Variants in PTPRM observed in about 807,000 individuals in gnomAD.
PTPRM encodes the protein receptor-type tyrosine-protein phosphatase mu.
In PTPRM, 47 loss-of-function variants were observed where a neutral mutation model predicts 186.7. The observed-to-expected ratio is 0.25, with a 90% CI of 0.20 to 0.32. PTPRM has a LOEUF of 0.32. PTPRM is among the 10% of genes least tolerant of loss of function. The pLI, the probability that PTPRM is intolerant of heterozygous loss-of-function variation, is 1.00. For synonymous variants in PTPRM, 668 were observed against 674.9 expected, an observed-to-expected ratio of 0.99 and a Z score of 0.16; for missense variants, 1,494 against 1,865.0, an observed-to-expected ratio of 0.80 and a Z score of 3.66.
chr18:8,240,772 G>C (rs2094419585), intron 14 of PTPRM, among the ~76,000 whole-genome samples: 1 of 64,046 alleles, frequency 1.6e-5, no homozygotes, highest in African/African-American at 9.4e-5. Flanking sequence ...GAGGGAGAGA[G>C]AGAGGGAGAG....
intron 1 of PTPRM, among the ~76,000 whole-genome samples, chr18:7,762,813 AG>A (rs1480490875): frequency 6.6e-6 from 1 of 152,222 alleles, no homozygotes; most frequent in Non-Finnish European, 1.5e-5. Flanking sequence ...CAGCCAATAT[AG>A]GCAAGATAAA....
chr18:8,140,826 A>G (rs867241977), intron 13 of PTPRM, among the ~76,000 whole-genome samples: 1 of 152,212 alleles, frequency 6.6e-6, no homozygotes, highest in East Asian at 1.9e-4. Context: ...ATTTATACGA[A>G]AAAAAGGAAA....
rs151125670 is a variant in PTPRM at position 7,842,428 on chromosome 18, G to C, written c.197-45678G>C. Among the ~76,000 whole-genome samples the C allele has an allele frequency of 2.5e-3, 386 of 152,284 alleles. 2 individuals are homozygous for C. Among genetic ancestry groups the C allele is most frequent in the African/African-American group, 8.2e-3 (339 of 41,568 alleles). ...TTCTTATCCTTATGATGGTTAATTT[G>C]TGTCCACTTGGCCAGGTAGTGGTGC... On this transcript the variant is annotated intron_variant, in intron 2 of 32. Transcript: ENST00000580170.
At chr18:7,696,165 T>G (rs2039839400) in intron 1 of PTPRM, among the ~76,000 whole-genome samples, 1 of 152,058 alleles carries the variant, frequency 6.6e-6, no homozygotes, top group Non-Finnish European at 1.5e-5. Flanking sequence ...CTTTTCAGGG[T>G]TTTTTCTTCT....
chr18:7,727,369 G>A (rs547539186), intron 1 of PTPRM, among the ~76,000 whole-genome samples: 3 of 152,114 alleles, frequency 2.0e-5, no homozygotes, highest in East Asian at 1.9e-4. Context: ...ACCTTGAAAG[G>A]CTGCTTTATT....
At chr18:7,694,665 G>A (rs919301328) in intron 1 of PTPRM, among the ~76,000 whole-genome samples, 7 of 151,886 alleles carry the variant, frequency 4.6e-5, no homozygotes, top group Non-Finnish European at 1.0e-4. Flanking sequence ...GACCTTAGGC[G>A]ATCCACACAC....
chr18:8,326,211 A>G (rs1319144525), intron 22 of PTPRM, among the ~76,000 whole-genome samples: 7 of 152,158 alleles, frequency 4.6e-5, no homozygotes, highest in African/African-American at 1.7e-4. Flanking sequence ...ATTTGTTGCA[A>G]TTGCTTTTGA....
At chr18:8,331,102 CTT>C (rs59880754) in intron 22 of PTPRM, among the ~76,000 whole-genome samples, 143,206 of 152,164 alleles carry the variant, frequency 0.94, 67,881 homozygotes, top group East Asian at 1. Context: ...TAATAGAAAC[CTT>C]TTTGCATTCC....
At chr18:8,182,245 C>T (rs2093586145) in intron 14 of PTPRM, among the ~76,000 whole-genome samples, 1 of 151,914 alleles carries the variant, frequency 6.6e-6, no homozygotes, top group Non-Finnish European at 1.5e-5. Flanking sequence ...TCAGAGGGTA[C>T]GTGTGCAGGT....
intron 19 of PTPRM, among the ~76,000 whole-genome samples, chr18:8,294,600 C>A (rs185256812): frequency 1.1e-3 from 170 of 152,236 alleles, no homozygotes; most frequent in African/African-American, 4.0e-3. Flanking sequence ...GGGACACAGC[C>A]AAACCATATC....
intron 19 of PTPRM, among the ~76,000 whole-genome samples, chr18:8,256,867 A>G (rs1431216636): frequency 6.6e-6 from 1 of 152,258 alleles, no homozygotes; most frequent in African/African-American, 2.4e-5. Context: ...AAGGAATACT[A>G]TAACTCTAGA....
chr18:8,114,718 A>G, intron 12 of PTPRM, 73 bp from the exon 13 acceptor site: 1 of 1,229,470 alleles, frequency 8.1e-7, no homozygotes, highest in East Asian at 2.4e-5. Context: ...CTATTTAAAT[A>G]GAATTACAGA....
intron 2 of PTPRM, among the ~76,000 whole-genome samples, chr18:7,805,333 T>C (rs2044180556): frequency 6.6e-6 from 1 of 152,222 alleles, no homozygotes; most frequent in African/African-American, 2.4e-5. Flanking sequence ...TCATCATTTC[T>C]TCTCTAGCAG....
chr18:7,680,692 G>GGAAAAA (rs60659741), intron 1 of PTPRM, among the ~76,000 whole-genome samples: 12,884 of 151,968 alleles, frequency 0.085, 534 homozygotes, highest in South Asian at 0.15. Flanking sequence ...AGGGAAAACT[G>GGAAAAA]GAAAAAGAAA....
chr18:7,634,845 T>G (rs2038276356), intron 1 of PTPRM, among the ~76,000 whole-genome samples: 1 of 152,194 alleles, frequency 6.6e-6, no homozygotes, highest in Non-Finnish European at 1.5e-5. Flanking sequence ...TTTTATTATT[T>G]CCTCTTGTGT....
intron 14 of PTPRM, among the ~76,000 whole-genome samples, chr18:8,240,331 G>A (rs2094400688): frequency 6.6e-6 from 1 of 151,640 alleles, no homozygotes; most frequent in South Asian, 2.1e-4. Context: ...GGCTACTGGG[G>A]AGGCTGAGGT....
At chr18:8,360,457 A>C (rs1174828461) in intron 23 of PTPRM, among the ~76,000 whole-genome samples, 1 of 152,192 alleles carries the variant, frequency 6.6e-6, no homozygotes, top group Non-Finnish European at 1.5e-5. Context: ...CTATGCCTGA[A>C]TTACAGGTTT....
intron 22 of PTPRM, among the ~76,000 whole-genome samples, chr18:8,335,938 C>T (rs1290887309): frequency 6.6e-6 from 1 of 152,184 alleles, no homozygotes; most frequent in African/African-American, 2.4e-5. Context: ...AGGAGAATCA[C>T]TTGAACCCAG....
chr18:8,047,335 T>G (rs376551874), intron 7 of PTPRM, among the ~76,000 whole-genome samples: 1 of 152,158 alleles, frequency 6.6e-6, no homozygotes, highest in African/African-American at 2.4e-5. Context: ...CAATTAAAAA[T>G]GAAAGATATG....
Sources: allele counts gnomAD v4.1 joint callset (sites outside exome capture counted in the v4.1 genomes callset), GRCh38; gene constraint gnomAD v4.1.1; transcripts MANE v1.5; gene names NCBI Gene and HGNC (gene_info 2026-07-23, HGNC 2026-07-21).